CDH12: variants seen among roughly 807,000 people sequenced by gnomAD.
CDH12 encodes the protein cadherin 12.
In CDH12, 41 loss-of-function variants were observed where a neutral mutation model predicts 74.1. The ratio of observed to expected loss-of-function variants is 0.55; its 90% CI spans 0.43 to 0.72. The LOEUF is 0.72. Among genes scored for constraint, CDH12 ranks in the 30% least tolerant of loss-of-function variants. CDH12 has a pLI of 0.00. For missense variants in CDH12, 945 were observed against 977.2 expected (o/e 0.97, Z 0.44); for synonymous variants, 399 against 355.0 (o/e 1.12, Z -1.39).
intron 3 of CDH12, among the ~76,000 whole-genome samples, chr5:22,333,446 A>C (rs1042299272): frequency 1.3e-5 from 2 of 152,154 alleles, no homozygotes; most frequent in Non-Finnish European, 2.9e-5. Context: ...ACAAACCTGC[A>C]CATTCTGCAT....
chr5:22,070,878 C>A (rs1041433995), intron 5 of CDH12, among the ~76,000 whole-genome samples: 2 of 152,148 alleles, frequency 1.3e-5, no homozygotes, highest in African/African-American at 4.8e-5. Context: ...AACACATGAA[C>A]AGACAACCAA....
At chr5:22,076,905 T>A (rs760651776) in intron 5 of CDH12, among the ~76,000 whole-genome samples, 3 of 152,096 alleles carry the variant, frequency 2.0e-5, no homozygotes, top group Admixed American at 2.0e-4. Context: ...CACTTTGACA[T>A]TCTACTCAAC....
At chr5:22,541,430 A>G (rs1199034756) in intron 1 of CDH12, among the ~76,000 whole-genome samples, 2 of 152,218 alleles carry the variant, frequency 1.3e-5, no homozygotes, top group South Asian at 4.1e-4. Flanking sequence ...GGTGTGAGGC[A>G]CCATGTTTTA....
intron 4 of CDH12, among the ~76,000 whole-genome samples, chr5:22,145,160 A>G (rs1747074029): frequency 1.3e-5 from 2 of 152,118 alleles, no homozygotes; most frequent in African/African-American, 2.4e-5. Flanking sequence ...AGACAGTTGC[A>G]TTGTGTGAGA....
At chr5:22,153,367 T>C (rs1467839415) in intron 4 of CDH12, among the ~76,000 whole-genome samples, 3 of 151,836 alleles carry the variant, frequency 2.0e-5, no homozygotes, top group African/African-American at 7.2e-5. Flanking sequence ...CCGTGTGATG[T>C]TCCTACTCCA....
intron 4 of CDH12, among the ~76,000 whole-genome samples, chr5:22,136,218 C>A (rs1580305497): frequency 6.6e-6 from 1 of 151,708 alleles, no homozygotes; most frequent in Admixed American, 6.6e-5. Flanking sequence ...GCAGGCTCAA[C>A]CAGAAGGTAA....
chr5:21,997,492 T>C (rs560003800), intron 5 of CDH12, among the ~76,000 whole-genome samples: 1 of 152,274 alleles, frequency 6.6e-6, no homozygotes, highest in South Asian at 2.1e-4. Context: ...AAGTGAGAGC[T>C]GTAAACCTGA....
At chr5:22,338,691 C>T (rs1739706876) in intron 3 of CDH12, among the ~76,000 whole-genome samples, 1 of 152,080 alleles carries the variant, frequency 6.6e-6, no homozygotes, top group South Asian at 2.1e-4. Context: ...TAAATATGTA[C>T]ACATACTATG....
chr5:21,900,811 G>T (rs1484543915), intron 6 of CDH12, among the ~76,000 whole-genome samples: 1 of 152,188 alleles, frequency 6.6e-6, no homozygotes, highest in African/African-American at 2.4e-5. Context: ...GATAGCGAAT[G>T]CTCAGAATGA....
chr5:22,724,256 T>C (rs1416161383), intron 1 of CDH12, among the ~76,000 whole-genome samples: 2 of 137,246 alleles, frequency 1.5e-5, no homozygotes, highest in Admixed American at 1.5e-4. Flanking sequence ...ATTTCAATTG[T>C]TTTTGGGGTA....
At position 22,104,112 on chromosome 5, in the gene CDH12, A is replaced by G. The variant is rs73056499; in HGVS notation, c.-186-25250T>C. Among the ~76,000 whole-genome samples the G allele has an allele frequency of 7.0e-3, 1,069 of 152,348 alleles. 13 individuals carry two copies. The highest frequency in any genetic ancestry group is 0.025 in the African/African-American group (1,025 of 41,594). ...AATGACAAAACCTATAGCTTTATAG[A>G]TTGAGAAGCTAATCAAATAGTAACA... is the stretch of plus-strand genomic sequence containing the variant. On this transcript the variant is annotated intron_variant, in intron 4 of 14. Coordinates refer to ENST00000382254, the MANE Select transcript of CDH12 (RefSeq NM_004061.5).
intron 1 of CDH12, among the ~76,000 whole-genome samples, chr5:22,586,407 C>T (rs1176086955): frequency 2.0e-4 from 31 of 151,854 alleles, no homozygotes; most frequent in African/African-American, 7.5e-4. Context: ...TTAATGGGTG[C>T]AGCACACCAA....
intron 4 of CDH12, among the ~76,000 whole-genome samples, chr5:22,209,555 G>A (rs1375469008): frequency 2.6e-5 from 4 of 151,078 alleles, no homozygotes; most frequent in Admixed American, 6.6e-5. Context: ...ACCTCTCTTG[G>A]AAAGATGTAT....
chr5:22,395,079 C>A (rs974327518), intron 3 of CDH12, among the ~76,000 whole-genome samples: 2 of 152,134 alleles, frequency 1.3e-5, no homozygotes, highest in African/African-American at 4.8e-5. Flanking sequence ...GGAAAAGAAT[C>A]TTTGCAGATG....
chr5:22,422,449 T>C (rs912954276), intron 2 of CDH12, among the ~76,000 whole-genome samples: 1 of 152,176 alleles, frequency 6.6e-6, no homozygotes, highest in Non-Finnish European at 1.5e-5. Context: ...ATAATCTTTC[T>C]GATGTGCTGT....
chr5:22,806,215 A>G (rs1748775391), intron 1 of CDH12, among the ~76,000 whole-genome samples: 1 of 151,994 alleles, frequency 6.6e-6, no homozygotes, highest in African/African-American at 2.4e-5. Context: ...CTGGTTCTAG[A>G]TCCTTGAGGA....
intron 1 of CDH12, among the ~76,000 whole-genome samples, chr5:22,722,737 C>T (rs773367920): frequency 1.7e-4 from 26 of 152,148 alleles, no homozygotes; most frequent in Non-Finnish European, 3.5e-4. Context: ...CATATTCACT[C>T]AGGAAATTGT....
At chr5:22,446,973 T>C (rs1281574793) in intron 2 of CDH12, among the ~76,000 whole-genome samples, 1 of 152,068 alleles carries the variant, frequency 6.6e-6, no homozygotes, top group African/African-American at 2.4e-5. Context: ...CAATAGTGAG[T>C]GTGTTCCCTG....
intron 1 of CDH12, among the ~76,000 whole-genome samples, chr5:22,849,780 A>G (rs112251644): frequency 3.3e-5 from 5 of 152,236 alleles, no homozygotes; most frequent in African/African-American, 4.8e-5. Flanking sequence ...CAAGAAACAC[A>G]TATCTTACAT....
Sources: allele counts gnomAD v4.1 joint callset (sites outside exome capture counted in the v4.1 genomes callset), GRCh38; gene constraint gnomAD v4.1.1; transcripts MANE v1.5; gene names NCBI Gene and HGNC (gene_info 2026-07-23, HGNC 2026-07-21).